DOK6: variants seen among roughly 807,000 people sequenced by gnomAD.
DOK6 encodes the protein docking protein 6, also known as downstream of tyrosine kinase 6.
DOK6 carries 22 observed loss-of-function variants against 44.0 expected under a neutral mutation model. The observed-to-expected ratio is 0.50, with a 90% CI of 0.36 to 0.71. DOK6 has a LOEUF of 0.71. Among genes scored for constraint, DOK6 ranks in the 30% least tolerant of loss-of-function variants. The pLI is 0.00. For synonymous variants in DOK6, 166 were observed against 145.5 expected (o/e 1.14, Z -1.01); for missense variants, 340 against 416.4 (o/e 0.82, Z 1.60).
chr18:69,512,457 C>A (rs1022556903), intron 1 of DOK6, among the ~76,000 whole-genome samples: 1 of 151,344 alleles, frequency 6.6e-6, no homozygotes, highest in Admixed American at 6.6e-5. Flanking sequence ...AATTCTCCTA[C>A]CTCAGCCTCC....
At chr18:69,787,015 A>C (rs974722321) in intron 7 of DOK6, among the ~76,000 whole-genome samples, 1 of 152,184 alleles carries the variant, frequency 6.6e-6, no homozygotes, top group African/African-American at 2.4e-5. Context: ...CAGGAGTTTG[A>C]GACCAGCCTG....
intron 1 of DOK6, among the ~76,000 whole-genome samples, chr18:69,428,127 A>T (rs1270025599): frequency 6.6e-6 from 1 of 152,074 alleles, no homozygotes; most frequent in Non-Finnish European, 1.5e-5. Context: ...GTTCCTCATG[A>T]TCTTTACTTT....
intron 1 of DOK6, among the ~76,000 whole-genome samples, chr18:69,534,052 C>T (rs937603299): frequency 1.3e-5 from 2 of 152,082 alleles, no homozygotes; most frequent in African/African-American, 4.8e-5. Context: ...CACAAAAGTA[C>T]ATTACACGTA....
chr18:69,434,987 G>GGAAGGAAA (rs1978919920), intron 1 of DOK6, among the ~76,000 whole-genome samples: 7 of 133,106 alleles, frequency 5.3e-5, no homozygotes, highest in South Asian at 2.6e-4. Flanking sequence ...AAGGAAAGAA[G>GGAAGGAAA]GAAGGAAGGA....
chr18:69,686,854 T>C (rs1986163357), intron 4 of DOK6, among the ~76,000 whole-genome samples: 1 of 152,088 alleles, frequency 6.6e-6, no homozygotes, highest in Non-Finnish European at 1.5e-5. Flanking sequence ...GGTTTCAAAT[T>C]ACACAGTCAT....
chr18:69,434,018 G>T (rs1392686597), intron 1 of DOK6, among the ~76,000 whole-genome samples: 2 of 152,124 alleles, frequency 1.3e-5, no homozygotes, highest in Non-Finnish European at 2.9e-5. Flanking sequence ...TTTCCACTAG[G>T]AATAATCAGT....
chr18:69,423,420 C>T (rs1416203285), intron 1 of DOK6, among the ~76,000 whole-genome samples: 1 of 152,164 alleles, frequency 6.6e-6, no homozygotes, highest in African/African-American at 2.4e-5. Flanking sequence ...TGTGTTACTA[C>T]CTAAGACTAG....
intron 2 of DOK6, among the ~76,000 whole-genome samples, chr18:69,565,099 T>C (rs2034662169): frequency 6.6e-6 from 1 of 152,158 alleles, no homozygotes; most frequent in Non-Finnish European, 1.5e-5. Context: ...CTCCTAAGAA[T>C]TAAAAGAATG....
chr18:69,662,124 T>C (rs915317259), intron 3 of DOK6: 1 of 152,160 alleles, frequency 6.6e-6, no homozygotes, highest in Non-Finnish European at 1.5e-5. Context: ...GGATTACAGG[T>C]GCCTGCCACC....
intron 1 of DOK6, among the ~76,000 whole-genome samples, chr18:69,411,958 T>A (rs1423579842): frequency 6.6e-6 from 1 of 152,200 alleles, no homozygotes; most frequent in Non-Finnish European, 1.5e-5. Flanking sequence ...TCTATTCAAC[T>A]GCAAATAACC....
chr18:69,548,716 G>A (rs935798351), intron 1 of DOK6, among the ~76,000 whole-genome samples: 1 of 151,472 alleles, frequency 6.6e-6, no homozygotes, highest in African/African-American at 2.4e-5. Flanking sequence ...GACCTATATG[G>A]CTGCTTTTAA....
chr18:69,493,585 A>G (rs1980799413), intron 1 of DOK6, among the ~76,000 whole-genome samples: 4 of 152,246 alleles, frequency 2.6e-5, no homozygotes, highest in African/African-American at 2.4e-5. Context: ...ACTAAGGATA[A>G]TATCTGAAAT....
intron 1 of DOK6, among the ~76,000 whole-genome samples, chr18:69,459,445 T>A (rs1046880311): frequency 6.6e-6 from 1 of 152,154 alleles, no homozygotes; most frequent in Admixed American, 6.5e-5. Context: ...TATTGACCAA[T>A]CTTTATCAAG....
At chr18:69,571,043 T>C (rs1289230376) in intron 2 of DOK6, among the ~76,000 whole-genome samples, 1 of 152,006 alleles carries the variant, frequency 6.6e-6, no homozygotes, top group African/African-American at 2.4e-5. Flanking sequence ...TATGTATACA[T>C]GATTTATAAT....
At chr18:69,724,050 T>C (rs2144725900) in intron 5 of DOK6, among the ~76,000 whole-genome samples, 1 of 152,364 alleles carries the variant, frequency 6.6e-6, no homozygotes, top group Admixed American at 6.5e-5. Flanking sequence ...AGATTTGCTT[T>C]TTAATTCTCT....
At chr18:69,595,189 T>G (rs1983712614) in intron 2 of DOK6, among the ~76,000 whole-genome samples, 1 of 152,198 alleles carries the variant, frequency 6.6e-6, no homozygotes. Context: ...AATCTACAGA[T>G]TCAATGCAAT....
chr18:69,813,135 T>C (rs990279634), intron 7 of DOK6, among the ~76,000 whole-genome samples: 1 of 152,140 alleles, frequency 6.6e-6, no homozygotes, highest in Non-Finnish European at 1.5e-5. Context: ...CTTCCAAACT[T>C]GCACCTGACA....
At chr18:69,796,480 A>G (rs769158408) in intron 7 of DOK6, among the ~76,000 whole-genome samples, 1 of 152,170 alleles carries the variant, frequency 6.6e-6, no homozygotes, top group Non-Finnish European at 1.5e-5. Flanking sequence ...AACATGAGAC[A>G]GCAGCATCTT....
chr18:69,767,550 T>C (rs369836449), intron 7 of DOK6, among the ~76,000 whole-genome samples: 20 of 149,712 alleles, frequency 1.3e-4, no homozygotes, highest in Admixed American at 1.1e-3. Context: ...CAGAGGAGAA[T>C]GCCCCCACCC....
Sources: gnomAD v4.1 joint callset for allele counts (sites outside exome capture counted in the v4.1 genomes callset) on GRCh38, gnomAD v4.1.1 for gene constraint, MANE v1.5 for transcripts, NCBI Gene and HGNC (gene_info 2026-07-23, HGNC 2026-07-21) for gene names.